Variants in PSMG2 observed in about 807,000 individuals in gnomAD.
PSMG2 encodes the protein proteasome assembly chaperone 2.
PSMG2 carries 21 observed loss-of-function variants against 31.5 expected under a neutral mutation model. The observed-to-expected ratio is 0.67, with a 90% CI of 0.47 to 0.96. PSMG2 has a LOEUF of 0.96. Ranked by LOEUF, PSMG2 falls within the 40% of genes least tolerant of loss-of-function variation. The probability of loss-of-function intolerance (pLI) is 0.00; values close to 1 mark genes in which losing one functional copy is unlikely to be tolerated. For synonymous variants in PSMG2, 120 were observed against 110.4 expected, an observed-to-expected ratio of 1.09 and a Z score of -0.54; for missense variants, 318 against 321.2, an observed-to-expected ratio of 0.99 and a Z score of 0.08.
chr18:12,683,131 AG>A (rs2039408531), intron 1 of PSMG2, among the ~76,000 whole-genome samples: 1 of 146,468 alleles, frequency 6.8e-6, no homozygotes, highest in South Asian at 2.2e-4. Context: ...AGATCACTTG[AG>A]GCCAGGAGTT....
chr18:12,712,541 A>G (rs2040341236), intron 2 of PSMG2, among the ~76,000 whole-genome samples, 161 bp from the exon 3 acceptor site: 1 of 152,238 alleles, frequency 6.6e-6, no homozygotes, highest in Admixed American at 6.5e-5. Context: ...AGGTACTTCT[A>G]AAAGGTCTTA....
chr18:12,704,543 C>T (rs1385912976), intron 1 of PSMG2, among the ~76,000 whole-genome samples: 4 of 152,026 alleles, frequency 2.6e-5, no homozygotes, highest in Admixed American at 6.6e-5. Context: ...GAGCTGAAAT[C>T]GTGCCACTGC....
chr18:12,700,585 CAA>C (rs1399674881), upstream of PSMG2, among the ~76,000 whole-genome samples: 1 of 152,052 alleles, frequency 6.6e-6, no homozygotes, highest in Non-Finnish European at 1.5e-5. Context: ...AATATAATCC[CAA>C]AAGAGTGCTT....
At chr18:12,710,776 A>G (rs1277934978) in intron 2 of PSMG2, among the ~76,000 whole-genome samples, 1 of 152,190 alleles carries the variant, frequency 6.6e-6, no homozygotes, top group Admixed American at 6.5e-5. Flanking sequence ...AGAAGAAAAA[A>G]GTACTAGGAA....
chr18:12,678,687 G>A (rs550885147), intron 1 of PSMG2, among the ~76,000 whole-genome samples: 1 of 152,204 alleles, frequency 6.6e-6, no homozygotes, highest in Non-Finnish European at 1.5e-5. Context: ...TAAGATCAAA[G>A]GCCGGATGCG....
At chr18:12,665,498 T>C (rs1361332455) in intron 1 of PSMG2, among the ~76,000 whole-genome samples, 1 of 152,176 alleles carries the variant, frequency 6.6e-6, no homozygotes, top group East Asian at 1.9e-4. Context: ...ACACTGTGTC[T>C]TTCCCTTATG....
At chr18:12,687,454 ATT>A (rs1259960536) in intron 1 of PSMG2, among the ~76,000 whole-genome samples, 31 of 140,666 alleles carry the variant, frequency 2.2e-4, no homozygotes, top group Admixed American at 2.9e-4. Flanking sequence ...GAAGGCATCA[ATT>A]TTTTTTTTTT....
intron 1 of PSMG2, among the ~76,000 whole-genome samples, chr18:12,693,656 A>G (rs2051262): frequency 0.39 from 59,434 of 151,692 alleles, 12,041 homozygotes; most frequent in Non-Finnish European, 0.45. Context: ...GGTGGCACCC[A>G]CCTGTAGTCC....
At chr18:12,664,407 G>A (rs555930874) in intron 1 of PSMG2, among the ~76,000 whole-genome samples, 11 of 151,606 alleles carry the variant, frequency 7.3e-5, no homozygotes, top group South Asian at 2.1e-4. Flanking sequence ...AAAATTAGCC[G>A]GGCATGGTGG....
intron 1 of PSMG2, among the ~76,000 whole-genome samples, chr18:12,697,050 A>C (rs2039981620): frequency 4.6e-5 from 7 of 152,210 alleles, no homozygotes; most frequent in Admixed American, 3.9e-4. Context: ...TACTGATATT[A>C]TTCTTCAAGA....
chr18:12,679,634 T>C (rs1202141202), intron 1 of PSMG2, among the ~76,000 whole-genome samples: 1 of 152,170 alleles, frequency 6.6e-6, no homozygotes, highest in African/African-American at 2.4e-5. Flanking sequence ...CAAAATCTAA[T>C]GACAGGCTAA....
intron 1 of PSMG2, among the ~76,000 whole-genome samples, chr18:12,682,137 G>A (rs2039372765): frequency 6.6e-6 from 1 of 152,136 alleles, no homozygotes; most frequent in African/African-American, 2.4e-5. Flanking sequence ...AACTATTTGA[G>A]TTGAGTGTCC....
chr18:12,706,577 C>A lies in PSMG2; in HGVS notation c.85C>A (p.Gln29Lys). ...MPAVSVGNVG[Q>K]LAMDLIISTL... ...AGCAGTATCTGTTGGAAATGTTGGC[C>A]AGCTTGCAATGGATCTGATTATTTC... The change falls in exon 2 of 7, where the codon CAG (glutamine) becomes AAG (lysine). Residue 29 changes from glutamine (Q) to lysine (K), a missense_variant. Physicochemically the swap from Gln to Lys is moderately conservative, Grantham distance 53. Coordinates refer to ENST00000317615, the MANE Select transcript of PSMG2 (RefSeq NM_020232.5). 1 of 1,613,874 alleles carries A rather than the reference C, an allele frequency of 6.2e-7. No homozygotes were observed. Among genetic ancestry groups the A allele is most frequent in the South Asian group, 1.1e-5 (1 of 90,980 alleles).
intron 2 of PSMG2, among the ~76,000 whole-genome samples, chr18:12,711,800 C>T (rs1598682396): frequency 7.5e-6 from 1 of 133,280 alleles, no homozygotes; most frequent in East Asian, 2.1e-4. Context: ...GTTGCCCAAG[C>T]TGGAGTGCAG....
rs1173941932 is a variant in PSMG2, at chr18:12,661,330, A to G, written c.-37+2557A>G. 4 of 981,704 alleles carry G rather than the reference A, an allele frequency of 4.1e-6. No individual in the cohort carries two copies. In the East Asian group the frequency reaches 3.4e-4, roughly 84 times the overall value. The allele number at this position is 981,704 out of a possible 1,614,324, so 60.8% of individuals were successfully genotyped here. A position where few individuals can be genotyped will look rare whatever the true frequency, so the allele number is the denominator to read the frequency against. On this transcript the variant is annotated intron_variant, in intron 1 of 6. Coordinates refer to the PSMG2 transcript ENST00000585331. ...TCTCAAAAAAGAAGAAAAAAAATTG[A>G]TAAGCCTTACCGTCATCCATCATCA... is the stretch of plus-strand genomic sequence containing the variant.
chr18:12,674,012 C>T (rs1231346160), intron 1 of PSMG2, among the ~76,000 whole-genome samples: 2 of 152,150 alleles, frequency 1.3e-5, no homozygotes, highest in African/African-American at 2.4e-5. Flanking sequence ...CCTGAGACTG[C>T]ACCAAAATCA....
chr18:12,703,146 C>G lies in PSMG2; in HGVS notation c.39C>G (p.Ala13=). Residue 13 remains alanine (A), a synonymous_variant, in exon 1 of 7, where the codon GCC becomes GCG. Transcript: ENST00000317615. ...GCGGGGAGTCGGCCCCCGACCTTGCCGGCTTCACCCTCCTAATGGTGAGTC... is the reference window on the plus strand; with the variant it reads ...GCGGGGAGTCGGCCCCCGACCTTGCGGGCTTCACCCTCCTAATGGTGAGTC... ...VPCGESAPDL[A]GFTLLMPAVS... The G allele has an allele frequency of 6.2e-7, 1 of 1,611,830 alleles. No individual in the cohort carries two copies. The highest frequency in any genetic ancestry group is 8.5e-7 in the Non-Finnish European group (1 of 1,179,382).
intron 1 of PSMG2, chr18:12,661,395 C>T: frequency 3.1e-6 from 3 of 974,412 alleles, no homozygotes; most frequent in Non-Finnish European, 3.7e-6. Context: ...CAAAGGCTAC[C>T]AGCCATTGAT....
chr18:12,692,315 C>CAA (rs773752553), intron 1 of PSMG2: 31 of 125,208 alleles, frequency 2.5e-4, no homozygotes, highest in East Asian at 4.5e-4. Flanking sequence ...GACTCTATCT[C>CAA]AAAAAAAAAA....
Sources: gnomAD v4.1 joint callset for allele counts (sites outside exome capture counted in the v4.1 genomes callset) on GRCh38, gnomAD v4.1.1 for gene constraint, MANE v1.5 for transcripts, NCBI Gene and HGNC (gene_info 2026-07-23, HGNC 2026-07-21) for gene names.